GALNT13: variants seen among roughly 807,000 people sequenced by gnomAD.
GALNT13 encodes the protein UDP-GalNAc:polypeptide N-acetylgalactosaminyltransferase 13.
A neutral mutation model predicts 64.2 loss-of-function variants in GALNT13; 28 were observed. The ratio of observed to expected loss-of-function variants is 0.44; its 90% CI spans 0.32 to 0.60. The LOEUF (loss-of-function observed/expected upper bound fraction) is 0.60, where lower values mean the gene tolerates loss of function less well. GALNT13 is among the 20% of genes least tolerant of loss of function. GALNT13 has a pLI of 0.05. For synonymous variants in GALNT13, 214 were observed against 224.6 expected (o/e 0.95, Z 0.42); for missense variants, 577 against 669.8 (o/e 0.86, Z 1.53).
intron 7 of GALNT13, among the ~76,000 whole-genome samples, chr2:154,258,230 T>A (rs2105899855): frequency 6.6e-6 from 1 of 152,306 alleles, no homozygotes; most frequent in South Asian, 2.1e-4. Flanking sequence ...AATTTGTCTT[T>A]TAAATTATCA....
intron 3 of GALNT13, among the ~76,000 whole-genome samples, chr2:154,030,344 G>A (rs1346050734): frequency 6.6e-6 from 1 of 152,022 alleles, no homozygotes; most frequent in African/African-American, 2.4e-5. Flanking sequence ...CAGAAACAAG[G>A]CAAGTCAGAA....
chr2:153,762,895 A>T, the GALNT13 span, among the ~76,000 whole-genome samples: 2 of 151,692 alleles, frequency 1.3e-5, no homozygotes, highest in Non-Finnish European at 1.5e-5. Flanking sequence ...TTTATATTTT[A>T]AAAATCTAGT....
chr2:154,424,210 G>C (rs1206210361), intron 11 of GALNT13, among the ~76,000 whole-genome samples: 2 of 152,098 alleles, frequency 1.3e-5, no homozygotes, highest in African/African-American at 4.8e-5. Context: ...ATAAACTCTA[G>C]AGTTTGAAAA....
chr2:153,994,866 G>T (rs1346759996), intron 3 of GALNT13, among the ~76,000 whole-genome samples: 2 of 151,930 alleles, frequency 1.3e-5, no homozygotes, highest in Admixed American at 1.3e-4. Flanking sequence ...CATTCTGTAG[G>T]TTGCCTGTTC....
At chr2:153,301,220 G>A in the GALNT13 span, among the ~76,000 whole-genome samples, 533 of 148,294 alleles carry the variant, frequency 3.6e-3, 7 homozygotes, top group African/African-American at 0.013. Context: ...TGGGGCACAA[G>A]AATCACTTGA....
At chr2:154,330,956 AG>A (rs1250115455) in intron 9 of GALNT13, among the ~76,000 whole-genome samples, 1 of 152,112 alleles carries the variant, frequency 6.6e-6, no homozygotes, top group Non-Finnish European at 1.5e-5. Flanking sequence ...TGATTTCCCT[AG>A]TCTCAGCTGG....
At chr2:153,396,951 A>G in the GALNT13 span, among the ~76,000 whole-genome samples, 1 of 152,148 alleles carries the variant, frequency 6.6e-6, no homozygotes, top group Non-Finnish European at 1.5e-5. Flanking sequence ...TCCAACAAGG[A>G]CATGTGTGGG....
At chr2:153,093,231 CTTTTCTTTTCTTT>C in the GALNT13 span, among the ~76,000 whole-genome samples, 1 of 90,916 alleles carries the variant, frequency 1.1e-5, no homozygotes, top group East Asian at 2.3e-4. Context: ...TTCTTTTTTT[CTTTTCTTTTCTTT>C]TTTTTTTTTG....
chr2:154,294,406 G>C (rs1692803323), intron 8 of GALNT13, among the ~76,000 whole-genome samples: 1 of 152,192 alleles, frequency 6.6e-6, no homozygotes, highest in Non-Finnish European at 1.5e-5. Flanking sequence ...AGATGGAAAG[G>C]AGTGAGACCA....
intron 3 of GALNT13, among the ~76,000 whole-genome samples, chr2:154,034,159 A>T (rs1164598198): frequency 6.6e-6 from 1 of 152,156 alleles, no homozygotes; most frequent in African/African-American, 2.4e-5. Flanking sequence ...TTCACACAAA[A>T]TCTTATACGT....
chr2:154,377,220 C>A (rs1698040916), intron 9 of GALNT13, among the ~76,000 whole-genome samples: 1 of 152,146 alleles, frequency 6.6e-6, no homozygotes, highest in African/African-American at 2.4e-5. Context: ...GATAATTCCT[C>A]TTTGATAAGG....
At chr2:153,327,703 A>G in the GALNT13 span, among the ~76,000 whole-genome samples, 1 of 151,878 alleles carries the variant, frequency 6.6e-6, no homozygotes, top group Non-Finnish European at 1.5e-5. Context: ...GTAACCTTGT[A>G]TCAAGGTTCT....
chr2:154,446,825 A>C, intron 12 of GALNT13: 3 of 1,416,404 alleles, frequency 2.1e-6, no homozygotes, highest in Middle Eastern at 2.5e-4. Flanking sequence ...CAGTTATTGA[A>C]ATCTGGAAAC....
the GALNT13 span, among the ~76,000 whole-genome samples, chr2:153,626,031 T>C: frequency 1.3e-5 from 2 of 152,124 alleles, no homozygotes; most frequent in African/African-American, 2.4e-5. Flanking sequence ...TGAAACTTGC[T>C]CTAAAATTAA....
chr2:153,105,610 A>T, the GALNT13 span, among the ~76,000 whole-genome samples: 2 of 152,226 alleles, frequency 1.3e-5, no homozygotes, highest in Non-Finnish European at 2.9e-5. Context: ...ACATGATTGT[A>T]TATCTAGAAA....
intron 3 of GALNT13, among the ~76,000 whole-genome samples, chr2:153,951,362 G>T (rs1393171250): frequency 6.6e-6 from 1 of 152,148 alleles, no homozygotes; most frequent in Non-Finnish European, 1.5e-5. Context: ...GAATGGATTA[G>T]AGAAGAGCTA....
chr2:154,259,754 A>G (rs1331668577), intron 8 of GALNT13, among the ~76,000 whole-genome samples: 1 of 152,250 alleles, frequency 6.6e-6, no homozygotes, highest in African/African-American at 2.4e-5. Flanking sequence ...AAATTTAAAA[A>G]TGAACACATA....
At position 154,362,873 on chromosome 2, in the gene GALNT13, C is replaced by T. The variant is rs149841138; in HGVS notation, c.1157-33118C>T. Among the ~76,000 whole-genome samples the T allele has an allele frequency of 4.5e-3, 690 of 152,186 alleles. 11 individuals carry two copies. Among genetic ancestry groups the T allele is most frequent in the African/African-American group, 0.016 (653 of 41,500 alleles). On this transcript the variant is annotated intron_variant, in intron 9 of 12. Transcript: ENST00000392825. ...TGGCTCAATAATTAGCGTAGGTCAA[C>T]CTTTCAAACCCTTTAAAGTATTAAA... is the stretch of plus-strand genomic sequence containing the variant.
chr2:153,934,873 CAAG>C (rs1275554313), intron 2 of GALNT13, among the ~76,000 whole-genome samples: 3 of 152,106 alleles, frequency 2.0e-5, no homozygotes. Flanking sequence ...GCATCCCCAG[CAAG>C]AAGTATTAGG....
Sources: allele counts gnomAD v4.1 joint callset (sites outside exome capture counted in the v4.1 genomes callset), GRCh38; gene constraint gnomAD v4.1.1; transcripts MANE v1.5; gene names NCBI Gene and HGNC (gene_info 2026-07-23, HGNC 2026-07-21).